Variants in PPARGC1A observed in about 807,000 individuals in gnomAD.
The protein encoded by PPARGC1A is peroxisome proliferator-activated receptor gamma coactivator 1-alpha.
Under a neutral mutation model 88.7 loss-of-function variants are expected in PPARGC1A, and 25 were observed. The observed-to-expected ratio is 0.28, with a 90% CI of 0.21 to 0.39. The LOEUF (loss-of-function observed/expected upper bound fraction) is 0.39. PPARGC1A is among the 10% of genes least tolerant of loss of function. PPARGC1A has a pLI of 1.00. For synonymous variants in PPARGC1A, 363 were observed against 355.6 expected (o/e 1.02, Z -0.24); for missense variants, 880 against 968.7 (o/e 0.91, Z 1.22).
At chr4:24,404,471 A>G in the PPARGC1A span, among the ~76,000 whole-genome samples, 4 of 152,078 alleles carry the variant, frequency 2.6e-5, no homozygotes, top group Admixed American at 2.6e-4. Context: ...GGAACTCACA[A>G]GGGAGGATCT....
the PPARGC1A span, among the ~76,000 whole-genome samples, chr4:23,923,116 G>GT: frequency 5.1e-3 from 674 of 131,656 alleles, 11 homozygotes; most frequent in South Asian, 0.018. Flanking sequence ...TTTGTTGCTT[G>GT]TTTTTTTTTT....
chr4:23,967,947 G>A, the PPARGC1A span, among the ~76,000 whole-genome samples: 8 of 152,148 alleles, frequency 5.3e-5, no homozygotes, highest in African/African-American at 1.7e-4. Flanking sequence ...TAAAGGAGGA[G>A]GAGGAGAGAG....
chr4:24,305,720 G>A, the PPARGC1A span, among the ~76,000 whole-genome samples: 23 of 152,280 alleles, frequency 1.5e-4, no homozygotes, highest in African/African-American at 3.6e-4. Context: ...GCTGAGGCAG[G>A]AGAATCACTT....
the PPARGC1A span, among the ~76,000 whole-genome samples, chr4:24,326,067 T>G: frequency 6.6e-6 from 1 of 152,140 alleles, no homozygotes; most frequent in African/African-American, 2.4e-5. Flanking sequence ...AAGCCTCCTT[T>G]GCATCCTCCT....
At chr4:24,133,460 T>C in the PPARGC1A span, among the ~76,000 whole-genome samples, 1 of 152,116 alleles carries the variant, frequency 6.6e-6, no homozygotes, top group African/African-American at 2.4e-5. Flanking sequence ...TACAGTAGAG[T>C]CCTTACAAAT....
the PPARGC1A span, among the ~76,000 whole-genome samples, chr4:24,396,303 T>C: frequency 1.3e-5 from 2 of 152,194 alleles, no homozygotes; most frequent in Non-Finnish European, 2.9e-5. Flanking sequence ...TAGTTCAGTA[T>C]ATGACTTACA....
the PPARGC1A span, among the ~76,000 whole-genome samples, chr4:24,227,748 C>T: frequency 5.9e-5 from 9 of 152,266 alleles, no homozygotes; most frequent in South Asian, 1.9e-3. Context: ...CCTAAGATTC[C>T]AGCATCCTCA....
chr4:24,425,438 A>T, the PPARGC1A span, among the ~76,000 whole-genome samples: 4 of 152,218 alleles, frequency 2.6e-5, no homozygotes, highest in Non-Finnish European at 4.4e-5. Flanking sequence ...ACCATTAGAC[A>T]GTTACATAAA....
the PPARGC1A span, among the ~76,000 whole-genome samples, chr4:23,948,841 AT>A: frequency 6.6e-6 from 1 of 152,160 alleles, no homozygotes; most frequent in Admixed American, 6.5e-5. Context: ...GAACTAAAGT[AT>A]TTGTTTCCCA....
chr4:23,980,152 A>G, the PPARGC1A span, among the ~76,000 whole-genome samples: 1 of 144,352 alleles, frequency 6.9e-6, no homozygotes, highest in African/African-American at 2.6e-5. Flanking sequence ...GACAGCATCA[A>G]CTCCTGTGGC....
chr4:23,885,128 T>C (rs2148835114), intron 1 of PPARGC1A, among the ~76,000 whole-genome samples, 197 bp from the exon 2 acceptor site: 1 of 152,310 alleles, frequency 6.6e-6, no homozygotes, highest in Middle Eastern at 3.4e-3. Context: ...ATTTCCCTGC[T>C]TTATTCCATC....
At chr4:24,089,563 T>G in the PPARGC1A span, among the ~76,000 whole-genome samples, 1 of 147,544 alleles carries the variant, frequency 6.8e-6, no homozygotes, top group Non-Finnish European at 1.5e-5. Context: ...CAGGCTGGAG[T>G]GCAGTGGCGC....
the PPARGC1A span, among the ~76,000 whole-genome samples, chr4:24,158,285 A>T: frequency 6.6e-6 from 1 of 151,964 alleles, no homozygotes; most frequent in Non-Finnish European, 1.5e-5. Flanking sequence ...CTCTCTCATT[A>T]TCCTGCTTTG....
At chr4:24,461,512 AC>A in the PPARGC1A span, among the ~76,000 whole-genome samples, 8 of 152,168 alleles carry the variant, frequency 5.3e-5, no homozygotes, top group Admixed American at 1.3e-4. Flanking sequence ...GGTGAAGATG[AC>A]GTGTGTATGG....
intron 2 of PPARGC1A, among the ~76,000 whole-genome samples, chr4:23,844,827 T>TATTATAATATATGATATATA (rs2148632462): frequency 7.8e-6 from 1 of 128,296 alleles, no homozygotes; most frequent in South Asian, 2.2e-4. Context: ...TGATATATAT[T>TATTATAATATATGATATATA]ATTATAATAT....
chr4:24,269,828 T>A, the PPARGC1A span, among the ~76,000 whole-genome samples: 1 of 152,230 alleles, frequency 6.6e-6, no homozygotes, highest in Non-Finnish European at 1.5e-5. Context: ...TCTTTCAGTG[T>A]TAACTTGTGC....
chr4:24,456,315 G>A, the PPARGC1A span, among the ~76,000 whole-genome samples: 1 of 152,172 alleles, frequency 6.6e-6, no homozygotes, highest in Non-Finnish European at 1.5e-5. Context: ...GAGATTTCCA[G>A]ATATGAGACA....
chr4:24,420,501 T>C, the PPARGC1A span, among the ~76,000 whole-genome samples: 1 of 152,210 alleles, frequency 6.6e-6, no homozygotes, highest in Non-Finnish European at 1.5e-5. Flanking sequence ...TGCCCGTTTT[T>C]ATAACTCTCT....
At chr4:24,120,885 C>G in the PPARGC1A span, among the ~76,000 whole-genome samples, 1 of 152,234 alleles carries the variant, frequency 6.6e-6, no homozygotes, top group African/African-American at 2.4e-5. Flanking sequence ...AAATTTCTGT[C>G]GTTTATAAGC....
Sources: gnomAD v4.1 joint callset for allele counts (sites outside exome capture counted in the v4.1 genomes callset) on GRCh38, gnomAD v4.1.1 for gene constraint, MANE v1.5 for transcripts, NCBI Gene and HGNC (gene_info 2026-07-23, HGNC 2026-07-21) for gene names.